MGST1: variants seen among roughly 807,000 people sequenced by gnomAD.
MGST1 encodes the protein glutathione S-transferase 12.
A neutral mutation model predicts 8.9 loss-of-function variants in MGST1; 5 were observed. That is an observed-to-expected ratio of 0.56 (90% CI 0.29 to 1.19). The LOEUF (loss-of-function observed/expected upper bound fraction) is 1.19. Ranked by LOEUF, MGST1 falls within the 50% of genes most tolerant of loss-of-function variation. MGST1 has a pLI of 0.08. For synonymous variants in MGST1, 54 were observed against 67.8 expected (o/e 0.80, Z 1.00); for missense variants, 182 against 187.4 (o/e 0.97, Z 0.17).
Position 16,413,016 on chromosome 12 carries a change from A to G in MGST1, n.779-24372A>G, listed in dbSNP as rs1940755556. On this transcript the variant is annotated intron_variant and non_coding_transcript_variant, in intron 1 of 1. Transcript: ENST00000359720. The surrounding 1 kb of genome is among the most constrained non-coding windows in gnomAD (Gnocchi z 4.0). The stretch of plus-strand genomic sequence containing the variant: ...ATAATATGTCATAATAATAAGCCAG[A>G]AAGAGAGTAGGGAACTCCTCAGTCC... 6.6e-6 allele frequency among the ~76,000 whole-genome samples: 1 copy of G among 152,214 alleles called. No homozygotes were observed. Among genetic ancestry groups the G allele is most frequent in the South Asian group, 2.1e-4 (1 of 4,832 alleles).
At chr12:16,590,647 C>A (rs1456112427), downstream of MGST1, among the ~76,000 whole-genome samples, 2 of 151,834 alleles carry the variant, frequency 1.3e-5, no homozygotes, top group Non-Finnish European at 2.9e-5. Flanking sequence ...AGTTTGATGA[C>A]ATCTTTGGTC....
chr12:16,487,280 A>T (rs1941405313), intron 4 of MGST1, among the ~76,000 whole-genome samples: 1 of 152,220 alleles, frequency 6.6e-6, no homozygotes, highest in African/African-American at 2.4e-5. Flanking sequence ...ACAAACAAAA[A>T]ACCAACACCA....
In MGST1 at chr12:16,503,166, C is replaced by T. The variant is rs1353610576; in HGVS notation, n.483-86362C>T. Among the ~76,000 whole-genome samples, 1 of 151,994 alleles carries T rather than the reference C, an allele frequency of 6.6e-6. No homozygotes were observed. Among genetic ancestry groups the T allele is most frequent in the South Asian group, 2.1e-4 (1 of 4,812 alleles). Reference sequence around the variant, plus strand: ...TTTATGGGATGTGGTTTATCTTCCCCCACCCTCCCCCCTTTTTGTTTCTTC... The same window carrying T: ...TTTATGGGATGTGGTTTATCTTCCCTCACCCTCCCCCCTTTTTGTTTCTTC... On this transcript the variant is annotated intron_variant and non_coding_transcript_variant, in intron 4 of 4. Transcript: ENST00000538857. This position sits in a 1 kb window ranked among gnomAD's most constrained non-coding sequence, Gnocchi z 4.8.
chr12:16,358,549 C>T (rs1939833558), intron 3 of MGST1, among the ~76,000 whole-genome samples: 1 of 150,638 alleles, frequency 6.6e-6, no homozygotes, highest in Non-Finnish European at 1.5e-5. Flanking sequence ...TCACTGCAAC[C>T]TTCTTCTCCT....
At chr12:16,352,074 G>A (rs921252141) in intron 1 of MGST1, among the ~76,000 whole-genome samples, 1 of 152,148 alleles carries the variant, frequency 6.6e-6, no homozygotes, top group Non-Finnish European at 1.5e-5. Context: ...ACCGTATGGG[G>A]TGTTCGTGTC....
At chr12:16,449,929 G>C (rs141040146) in intron 4 of MGST1, among the ~76,000 whole-genome samples, 15 of 151,960 alleles carry the variant, frequency 9.9e-5, no homozygotes, top group African/African-American at 3.6e-4. Flanking sequence ...TGAGGGTTAG[G>C]GTAATGAAAC....
chr12:16,566,032 ATATATAT>A, intron 4 of MGST1, among the ~76,000 whole-genome samples: 6 of 84,162 alleles, frequency 7.1e-5, no homozygotes, highest in Admixed American at 2.5e-4. Context: ...ATATATATAT[ATATATAT>A]AAAATGGAGT....
At chr12:16,437,652 C>T (rs1208338171) in exon 2 of MGST1, 1 of 151,986 alleles carries the variant, frequency 6.6e-6, no homozygotes, top group Non-Finnish European at 1.5e-5. Context: ...TGGTCACTTC[C>T]AAAGTTTGTG....
At position 16,560,538 on chromosome 12, in the gene MGST1, C is replaced by T. The variant is rs748541526; in HGVS notation, n.483-28990C>T. ...CGCAGTTTCCCGTTACACCAAAGAG[C>T]CTAGAATAAGAAACATTTTTTTTTT... is the stretch of plus-strand genomic sequence containing the variant. On this transcript the variant is annotated intron_variant and non_coding_transcript_variant, in intron 4 of 4. Coordinates refer to the MGST1 transcript ENST00000538857. The surrounding 1 kb of genome is among the most constrained non-coding windows in gnomAD (Gnocchi z 5.0). 3.1e-6 allele frequency: 5 copies of T among 1,593,990 alleles called. No homozygotes were observed. The highest frequency in any genetic ancestry group is 1.7e-4 in the Middle Eastern group (1 of 5,960).
At chr12:16,388,566 C>T (rs1253526782) in intron 1 of MGST1, among the ~76,000 whole-genome samples, 1 of 152,184 alleles carries the variant, frequency 6.6e-6, no homozygotes, top group Non-Finnish European at 1.5e-5. Context: ...TTGCAGATAA[C>T]TGGTGTCTAC....
chr12:16,488,843 C>T (rs1310453530), intron 4 of MGST1, among the ~76,000 whole-genome samples: 1 of 152,108 alleles, frequency 6.6e-6, no homozygotes, highest in African/African-American at 2.4e-5. Context: ...CATAGTGGTA[C>T]ACACCTGCAG....
At position 16,413,048 on chromosome 12, in the gene MGST1, C is replaced by T. The variant is rs1260131279; in HGVS notation, n.779-24340C>T. On this transcript the variant is annotated intron_variant and non_coding_transcript_variant, in intron 1 of 1. Coordinates refer to the MGST1 transcript ENST00000359720. The surrounding 1 kb of genome is among the most constrained non-coding windows in gnomAD (Gnocchi z 4.0). ...GTAGGGAACTCCTCAGTCCACCCCA[C>T]CTGTCCTGGATGGTGATAGTGAAGG... 6.6e-6 allele frequency among the ~76,000 whole-genome samples: 1 copy of T among 152,098 alleles called. No homozygotes were observed. Among genetic ancestry groups the T allele is most frequent in the African/African-American group, 2.4e-5 (1 of 41,428 alleles).
downstream of MGST1, among the ~76,000 whole-genome samples, chr12:16,440,530 CAACAT>C (rs1046689491): frequency 2.0e-5 from 3 of 151,718 alleles, no homozygotes; most frequent in African/African-American, 7.3e-5. Flanking sequence ...TTGTCTAACT[CAACAT>C]AATGTTTTTG....
At chr12:16,403,904 G>C (rs553348246) in intron 1 of MGST1, among the ~76,000 whole-genome samples, 8 of 152,196 alleles carry the variant, frequency 5.3e-5, no homozygotes, top group African/African-American at 1.9e-4. Context: ...TACCTCTACT[G>C]ATCTCTCCTT....
rs1230577030 is a variant in MGST1, at chr12:16,585,362, T to G, written n.483-4166T>G. ...ATATTTTTAAAAAGTGGATTAACTT[T>G]ATGTTAAACAATCACTTGGCCACAA... On this transcript the variant is annotated intron_variant and non_coding_transcript_variant, in intron 4 of 4. Transcript: ENST00000538857. The surrounding 1 kb of genome is among the most constrained non-coding windows in gnomAD (Gnocchi z 4.7). Among the ~76,000 whole-genome samples the G allele has an allele frequency of 6.6e-6, 1 of 152,222 alleles. No homozygotes were observed. The highest frequency in any genetic ancestry group is 1.5e-5 in the Non-Finnish European group (1 of 68,038).
chr12:16,493,380 A>G (rs1565464198), intron 4 of MGST1, among the ~76,000 whole-genome samples: 1 of 152,036 alleles, frequency 6.6e-6, no homozygotes, highest in Non-Finnish European at 1.5e-5. Flanking sequence ...ATGAGCTGAG[A>G]ACTGGTTAGA....
In MGST1 at chr12:16,585,699, G is replaced by A. The variant is rs1316073836; in HGVS notation, n.483-3829G>A. On this transcript the variant is annotated intron_variant and non_coding_transcript_variant, in intron 4 of 4. Coordinates refer to the MGST1 transcript ENST00000538857. This position sits in a 1 kb window ranked among gnomAD's most constrained non-coding sequence, Gnocchi z 4.7. ...ATGTCAAAACTAATCCTCAGGTGATGTAAGCAGCTCCAAATATAATAATAG... is the reference window on the plus strand; with the variant it reads ...ATGTCAAAACTAATCCTCAGGTGATATAAGCAGCTCCAAATATAATAATAG... 6.6e-6 allele frequency among the ~76,000 whole-genome samples: 1 copy of A among 152,182 alleles called. No homozygotes were observed. The highest frequency in any genetic ancestry group is 1.5e-5 in the Non-Finnish European group (1 of 68,032).
chr12:16,419,715 T>C (rs979727378), intron 1 of MGST1, among the ~76,000 whole-genome samples: 3 of 152,206 alleles, frequency 2.0e-5, no homozygotes, highest in African/African-American at 7.2e-5. Context: ...ATGACAATTT[T>C]ATCTAAGAAT....
chr12:16,414,751 A>G (rs1940773262), intron 1 of MGST1, among the ~76,000 whole-genome samples: 1 of 152,154 alleles, frequency 6.6e-6, no homozygotes, highest in Admixed American at 6.6e-5. Flanking sequence ...AGCTGGGCAC[A>G]GTGGCTCATG....
Sources: gnomAD v4.1 joint callset for allele counts (sites outside exome capture counted in the v4.1 genomes callset) on GRCh38, gnomAD v4.1.1 for gene constraint, Gnocchi (gnomAD v3.1) non-coding constraint, MANE v1.5 for transcripts, NCBI Gene and HGNC (gene_info 2026-07-23, HGNC 2026-07-21) for gene names.